The following CLIP1 variants were observed in gnomAD, a reference collection of about 807,000 sequenced individuals.
CLIP1 encodes the protein CAP-Gly domain containing linker protein 1.
Under a neutral mutation model 161.6 loss-of-function variants are expected in CLIP1, and 66 were observed. That is an observed-to-expected ratio of 0.41 (90% CI 0.33 to 0.50). CLIP1 has a LOEUF of 0.50. CLIP1 is among the 20% of genes least tolerant of loss of function. CLIP1 has a pLI of 0.27. For missense variants in CLIP1, 1,376 were observed against 1,702.0 expected (o/e 0.81, Z 3.37); for synonymous variants, 598 against 626.2 (o/e 0.96, Z 0.67).
intron 2 of CLIP1, among the ~76,000 whole-genome samples, chr12:122,379,943 TTAAAAA>T (rs1427755670): frequency 0.028 from 1,966 of 70,386 alleles, 116 homozygotes; most frequent in African/African-American, 0.081. Context: ...GACTCCATCT[TTAAAAA>T]AAAAAAAAAA....
intron 20 of CLIP1, among the ~76,000 whole-genome samples, chr12:122,302,771 A>AT (rs1447067489): frequency 6.6e-6 from 1 of 151,864 alleles, no homozygotes; most frequent in Non-Finnish European, 1.5e-5. Context: ...TAATTTTTGT[A>AT]TTTTTAGTAG....
At position 122,336,661 on chromosome 12, in the gene CLIP1, CTTT is replaced by C; in HGVS notation, c.2536_2538del (p.Lys846del). 6.2e-7 allele frequency: 1 copy of C among 1,609,088 alleles called. No individual in the cohort carries two copies. The highest frequency in any genetic ancestry group is 8.5e-7 in the Non-Finnish European group (1 of 1,176,314). On this transcript the variant is annotated inframe_deletion, in exon 12 of 26. Coordinates refer to ENST00000620786, the MANE Select transcript of CLIP1 (RefSeq NM_001247997.2). ...ATCTGAAGTTCTTTTTCCAAAGTCT[CTTT>C]CACTTGACTGACTTCACTCAAATTT...
At chr12:122,359,493 A>G (rs1164319311) in intron 5 of CLIP1, among the ~76,000 whole-genome samples, 7 of 152,258 alleles carry the variant, frequency 4.6e-5, no homozygotes, top group South Asian at 4.1e-4. Context: ...AGCTGTCCCT[A>G]TCAGAGTTTC....
chr12:122,317,925 C>T (rs1951333575), intron 18 of CLIP1, among the ~76,000 whole-genome samples: 1 of 152,326 alleles, frequency 6.6e-6, no homozygotes, highest in South Asian at 2.1e-4. Flanking sequence ...GGTTCCACTG[C>T]TGCAGGTTAG....
chr12:122,379,158 A>G (rs903327982), intron 2 of CLIP1, among the ~76,000 whole-genome samples: 7 of 151,594 alleles, frequency 4.6e-5, no homozygotes, highest in African/African-American at 1.7e-4. Flanking sequence ...AAAAACAAAA[A>G]TTAGCCAGGC....
At position 122,333,157 on chromosome 12, in the gene CLIP1, GA is replaced by G; in HGVS notation, c.2711-15del. The stretch of plus-strand genomic sequence containing the variant: ...TTGCCTCCATATCTAAATATATAGA[GA>G]AAAAAAGAATAGCACGGCTGTGTTA... On this transcript the variant is annotated splice_polypyrimidine_tract_variant and intron_variant, in intron 14 of 25. Transcript: ENST00000620786. The G allele has an allele frequency of 3.1e-6, 5 of 1,589,644 alleles. No homozygotes were observed. The highest frequency in any genetic ancestry group is 2.2e-5 in the East Asian group (1 of 44,674).
chr12:122,291,052 T>C (rs1329302781), intron 20 of CLIP1, among the ~76,000 whole-genome samples: 1 of 151,596 alleles, frequency 6.6e-6, no homozygotes, highest in African/African-American at 2.4e-5. Flanking sequence ...CCACCATGCC[T>C]GGATCATTTT....
At chr12:122,408,041 G>A (rs1293113153) in intron 1 of CLIP1, among the ~76,000 whole-genome samples, 2 of 151,804 alleles carry the variant, frequency 1.3e-5, no homozygotes, top group Non-Finnish European at 2.9e-5. Flanking sequence ...TTCAAGACCA[G>A]CCTGACTAAC....
chr12:122,299,612 C>CAAAAAAAAGAAAA (rs1950601497), intron 20 of CLIP1, among the ~76,000 whole-genome samples: 1 of 62,500 alleles, frequency 1.6e-5, no homozygotes, highest in Non-Finnish European at 2.9e-5. Context: ...ATAAATTCAG[C>CAAAAAAAAGAAAA]AAAAAAAAAA....
At chr12:122,333,186 T>G (rs1468972180) in intron 14 of CLIP1, 43 bp from the exon 15 acceptor site, 1 of 1,473,852 alleles carries the variant, frequency 6.8e-7, no homozygotes. Flanking sequence ...CTGTGTTATA[T>G]CAACAAAAAC....
rs189726149 is a variant in CLIP1, at chr12:122,352,613, C to T, written c.1368+113G>A. On this transcript the variant is annotated intron_variant, in intron 8 of 25. Transcript: ENST00000620786. ...CAAAGCCACCCCCAGAACCTTCCCC[C>T]GCCACTTCCTCAGCTGGCTGTTCTG... 3.1e-5 allele frequency: 30 copies of T among 976,236 alleles called. No individual in the cohort carries two copies. The East Asian group carries it at 3.4e-4, about 11-fold the overall frequency. The allele number at this position is 976,236 out of a possible 1,614,324, so 60.5% of individuals were successfully genotyped here.
chr12:122,365,688 A>AG, intron 3 of CLIP1: 1 of 674,200 alleles, frequency 1.5e-6, no homozygotes, highest in Non-Finnish European at 2.6e-6. Context: ...AAAAAAAAAA[A>AG]AAAAGAAAGA....
intron 19 of CLIP1, among the ~76,000 whole-genome samples, chr12:122,313,111 C>T (rs1252137926): frequency 6.6e-6 from 1 of 152,226 alleles, no homozygotes; most frequent in African/African-American, 2.4e-5. Context: ...CCATGGAACG[C>T]TACCAGCGTG....
chr12:122,301,436 C>T (rs959258292), intron 20 of CLIP1, among the ~76,000 whole-genome samples: 18 of 152,080 alleles, frequency 1.2e-4, no homozygotes, highest in African/African-American at 4.1e-4. Context: ...TTTGGGAGGC[C>T]GAGGCGAGTC....
At chr12:122,410,218 T>C (rs1050217043) in intron 1 of CLIP1, among the ~76,000 whole-genome samples, 3 of 151,998 alleles carry the variant, frequency 2.0e-5, no homozygotes, top group African/African-American at 7.2e-5. Context: ...TACAGTTTCC[T>C]CGAGAGCAGG....
At chr12:122,277,471 C>T (rs562632854) in intron 24 of CLIP1, 3 of 152,056 alleles carry the variant, frequency 2.0e-5, no homozygotes, top group Non-Finnish European at 4.4e-5. Flanking sequence ...GATAAGCCAC[C>T]ATTCCTGGCC....
chr12:122,278,759 T>C, intron 23 of CLIP1, 33 bp downstream of exon 23: 1 of 1,542,008 alleles, frequency 6.5e-7, no homozygotes, highest in Non-Finnish European at 8.7e-7. Context: ...GGACGCGGGG[T>C]GTACAGAGAA....
intron 7 of CLIP1, among the ~76,000 whole-genome samples, chr12:122,353,012 T>A (rs922157040): frequency 3.6e-5 from 5 of 138,910 alleles, no homozygotes; most frequent in Admixed American, 7.0e-5. Context: ...AAAAAAAAAA[T>A]CTATCATCAC....
intron 3 of CLIP1, among the ~76,000 whole-genome samples, chr12:122,370,190 GA>G (rs1378411178): frequency 7.0e-6 from 1 of 142,458 alleles, no homozygotes; most frequent in Non-Finnish European, 1.5e-5. Context: ...GAAGAAGAAA[GA>G]AAAGAAACAG....
Sources: gnomAD v4.1 joint callset for allele counts (sites outside exome capture counted in the v4.1 genomes callset) on GRCh38, gnomAD v4.1.1 for gene constraint, MANE v1.5 for transcripts, NCBI Gene and HGNC (gene_info 2026-07-23, HGNC 2026-07-21) for gene names.